Variants in CTNNA3 observed in about 807,000 individuals in gnomAD.
CTNNA3 encodes the protein catenin alpha-3.
In CTNNA3, 76 loss-of-function variants were observed where a neutral mutation model predicts 95.7. The observed-to-expected ratio is 0.79, with a 90% CI of 0.66 to 0.96. The LOEUF (loss-of-function observed/expected upper bound fraction) is 0.96, where lower values mean the gene tolerates loss of function less well. Ranked by LOEUF, CTNNA3 falls within the 40% of genes least tolerant of loss-of-function variation. CTNNA3 has a pLI of 0.00. For synonymous variants in CTNNA3, 431 were observed against 374.4 expected (o/e 1.15, Z -1.74); for missense variants, 1,191 against 1,089.8 (o/e 1.09, Z -1.31).
intron 7 of CTNNA3, among the ~76,000 whole-genome samples, chr10:66,930,370 A>G (rs1274629830): frequency 6.6e-6 from 1 of 152,196 alleles, no homozygotes; most frequent in Non-Finnish European, 1.5e-5. Context: ...AGCTTACTGG[A>G]TGACTGAGCT....
chr10:67,357,686 T>A (rs776868298), intron 5 of CTNNA3, among the ~76,000 whole-genome samples: 11 of 152,096 alleles, frequency 7.2e-5, no homozygotes, highest in Non-Finnish European at 1.6e-4. Flanking sequence ...TATTCTTTTA[T>A]TTTTGAACAA....
chr10:66,869,873 A>G (rs1040123930), intron 7 of CTNNA3, among the ~76,000 whole-genome samples: 1 of 152,206 alleles, frequency 6.6e-6, no homozygotes, highest in African/African-American at 2.4e-5. Flanking sequence ...GTCAGGAACC[A>G]TGTACCACAC....
At chr10:67,424,490 T>C (rs1845848181) in intron 5 of CTNNA3, among the ~76,000 whole-genome samples, 1 of 152,284 alleles carries the variant, frequency 6.6e-6, no homozygotes, top group African/African-American at 2.4e-5. Context: ...TCATTCTTCT[T>C]ATCAATATGG....
chr10:66,387,336 A>G (rs1378024049), intron 11 of CTNNA3, among the ~76,000 whole-genome samples: 3 of 152,224 alleles, frequency 2.0e-5, no homozygotes, highest in Non-Finnish European at 4.4e-5. Context: ...CAACAGACAC[A>G]TGAAAAAATG....
chr10:66,069,509 G>C lies in CTNNA3; in HGVS notation c.1978-20C>G. 1 of 1,576,994 alleles carries C rather than the reference G, an allele frequency of 6.3e-7. No homozygotes were observed. The highest frequency in any genetic ancestry group is 8.6e-7 in the Non-Finnish European group (1 of 1,161,414). The stretch of plus-strand genomic sequence containing the variant: ...CTTAGCCTAAAACATGTGATAATTA[G>C]AGTTAAAATCATTCCACTATGTCAA... On this transcript the variant is annotated intron_variant, in intron 14 of 17. Transcript: ENST00000433211.
intron 1 of CTNNA3, among the ~76,000 whole-genome samples, chr10:67,705,909 C>T (rs1005045830): frequency 1.3e-5 from 2 of 152,018 alleles, no homozygotes; most frequent in Non-Finnish European, 2.9e-5. Flanking sequence ...AGAGCGAAGT[C>T]TGGTATAAAG....
At chr10:66,771,427 T>A (rs4587627) in intron 8 of CTNNA3, among the ~76,000 whole-genome samples, 1 of 152,080 alleles carries the variant, frequency 6.6e-6, no homozygotes, top group African/African-American at 2.4e-5. Flanking sequence ...AAATGAATGA[T>A]GGAAAAAGAG....
chr10:66,120,136 G>A (rs944789294), intron 13 of CTNNA3, among the ~76,000 whole-genome samples: 8 of 152,054 alleles, frequency 5.3e-5, no homozygotes, highest in African/African-American at 1.9e-4. Flanking sequence ...TTTCTAAGAT[G>A]GTAGTGTAGA....
intron 7 of CTNNA3, among the ~76,000 whole-genome samples, chr10:66,866,087 C>G (rs951084979): frequency 6.6e-6 from 1 of 152,124 alleles, no homozygotes; most frequent in African/African-American, 2.4e-5. Context: ...CCACCTAACA[C>G]TACACCTTGA....
intron 7 of CTNNA3, among the ~76,000 whole-genome samples, chr10:66,955,635 G>A (rs919636317): frequency 7.9e-5 from 12 of 152,132 alleles, no homozygotes; most frequent in Non-Finnish European, 1.6e-4. Flanking sequence ...ATAGACACAC[G>A]ACTGCATGAC....
intron 5 of CTNNA3, among the ~76,000 whole-genome samples, chr10:67,458,930 T>C (rs1307314771): frequency 6.6e-6 from 1 of 152,164 alleles, no homozygotes; most frequent in Non-Finnish European, 1.5e-5. Context: ...ATTTCTCATG[T>C]GACTTTCTCA....
chr10:67,225,986 T>C lies in CTNNA3; in HGVS notation c.580-6116A>G, dbSNP rs146478186. On this transcript the variant is annotated intron_variant, in intron 5 of 17. Coordinates refer to ENST00000433211, the MANE Select transcript of CTNNA3 (RefSeq NM_013266.4). ...GAAATCCAAAAAACAATACAAGAAG[T>C]GAAGGGAGAAATATTCAAGGAGATA... Among the ~76,000 whole-genome samples the C allele has an allele frequency of 0.013, 1,966 of 151,338 alleles. 119 individuals carry two copies. The East Asian group carries it at 0.19, about 15-fold the overall frequency.
chr10:66,549,067 C>A (rs1329956504), intron 10 of CTNNA3, among the ~76,000 whole-genome samples: 3 of 139,594 alleles, frequency 2.1e-5, no homozygotes, highest in African/African-American at 2.7e-5. Flanking sequence ...CCGCTCACTG[C>A]AAGCTCCGGT....
chr10:66,472,001 C>A (rs552635955), intron 11 of CTNNA3, among the ~76,000 whole-genome samples: 78 of 152,044 alleles, frequency 5.1e-4, no homozygotes, highest in Middle Eastern at 3.4e-3. Flanking sequence ...GTATTATAAG[C>A]ATTTGCTATT....
intron 3 of CTNNA3, among the ~76,000 whole-genome samples, chr10:67,550,236 C>A (rs1840976823): frequency 6.6e-6 from 1 of 152,186 alleles, no homozygotes; most frequent in African/African-American, 2.4e-5. Flanking sequence ...ATAATATTAG[C>A]ATCTCAGGAA....
chr10:67,347,531 G>T (rs1842471026), intron 5 of CTNNA3, among the ~76,000 whole-genome samples: 1 of 152,124 alleles, frequency 6.6e-6, no homozygotes, highest in African/African-American at 2.4e-5. Context: ...TATGTTAGGT[G>T]CTGGATATAT....
At chr10:66,485,097 G>A (rs1307689844) in intron 11 of CTNNA3, among the ~76,000 whole-genome samples, 1 of 151,954 alleles carries the variant, frequency 6.6e-6, no homozygotes, top group South Asian at 2.1e-4. Flanking sequence ...ACATAATATA[G>A]GCCATATAAA....
intron 10 of CTNNA3, among the ~76,000 whole-genome samples, chr10:66,553,682 C>A (rs1842299577): frequency 6.6e-6 from 1 of 151,428 alleles, no homozygotes; most frequent in Non-Finnish European, 1.5e-5. Context: ...TGACCGCCAC[C>A]ACACCCGGCT....
chr10:67,564,289 T>C (rs1841661929), intron 3 of CTNNA3, among the ~76,000 whole-genome samples: 1 of 149,784 alleles, frequency 6.7e-6, no homozygotes, highest in African/African-American at 2.5e-5. Context: ...GTGGCACATA[T>C]AATCCATGGA....
Sources: gnomAD v4.1 joint callset for allele counts (sites outside exome capture counted in the v4.1 genomes callset) on GRCh38, gnomAD v4.1.1 for gene constraint, MANE v1.5 for transcripts, NCBI Gene and HGNC (gene_info 2026-07-23, HGNC 2026-07-21) for gene names.